Variants in GRIA4 observed in about 807,000 individuals in gnomAD.
The protein encoded by GRIA4 is glutamate receptor 4.
A neutral mutation model predicts 104.0 loss-of-function variants in GRIA4; 34 were observed. The ratio of observed to expected loss-of-function variants is 0.33; its 90% confidence interval spans 0.25 to 0.44. The LOEUF (loss-of-function observed/expected upper bound fraction) is 0.44. GRIA4 is among the 20% of genes least tolerant of loss of function. The pLI, the probability that GRIA4 is intolerant of heterozygous loss-of-function variation, is 1.00. For synonymous variants in GRIA4, 386 were observed against 381.9 expected (o/e 1.01, Z -0.13); for missense variants, 750 against 1,096.5 (o/e 0.68, Z 4.46).
chr11:105,691,935 C>CAAAAAAAAAAAA (rs202074069), intron 3 of GRIA4, among the ~76,000 whole-genome samples: 6 of 76,336 alleles, frequency 7.9e-5, no homozygotes, highest in Admixed American at 1.6e-4. Flanking sequence ...AACTCCGTCT[C>CAAAAAAAAAAAA]AAAAAAAAAA....
intron 4 of GRIA4, among the ~76,000 whole-genome samples, chr11:105,761,604 G>A (rs1591209836): frequency 6.6e-6 from 1 of 152,098 alleles, no homozygotes; most frequent in African/African-American, 2.4e-5. Context: ...GCAGTGAAAA[G>A]TAGCCATTGA....
rs570861541 is a variant in GRIA4 at position 105,643,188 on chromosome 11, C to G, written c.247+30754C>G. ...GATGAGATTTGAATGGGGACACAGC[C>G]AAACCAAATCAAACATCTCATATCT... On this transcript the variant is annotated intron_variant, in intron 3 of 16. Transcript: ENST00000282499. 2.6e-5 allele frequency among the ~76,000 whole-genome samples: 4 copies of G among 152,206 alleles called. No individual in the cohort carries two copies. In the South Asian group the frequency reaches 8.3e-4, roughly 32 times the overall value.
chr11:105,775,047 C>A (rs1941390101), intron 4 of GRIA4, among the ~76,000 whole-genome samples: 1 of 152,096 alleles, frequency 6.6e-6, no homozygotes, highest in Admixed American at 6.6e-5. Flanking sequence ...CATTTCTCTG[C>A]CTCCTCAGGC....
chr11:105,738,006 C>T (rs1565505353), intron 3 of GRIA4, among the ~76,000 whole-genome samples: 1 of 151,852 alleles, frequency 6.6e-6, no homozygotes, highest in South Asian at 2.1e-4. Flanking sequence ...ATAATAAGTT[C>T]CCCCTCCCAC....
intron 3 of GRIA4, among the ~76,000 whole-genome samples, chr11:105,681,212 G>T (rs145785001): frequency 6.6e-6 from 1 of 152,286 alleles, no homozygotes; most frequent in East Asian, 1.9e-4. Flanking sequence ...TGTTGCGGGA[G>T]AAAACAATAG....
intron 3 of GRIA4, among the ~76,000 whole-genome samples, chr11:105,642,206 C>T (rs1951384983): frequency 1.3e-5 from 2 of 152,100 alleles, no homozygotes; most frequent in East Asian, 3.9e-4. Context: ...TTTAGAGGCA[C>T]ACAATTTATC....
chr11:105,657,386 AT>A (rs1173919361), intron 3 of GRIA4, among the ~76,000 whole-genome samples: 1 of 152,044 alleles, frequency 6.6e-6, no homozygotes, highest in Non-Finnish European at 1.5e-5. Flanking sequence ...AAAAATAATC[AT>A]AAAAAACTCT....
chr11:105,829,453 C>T (rs1419624706), intron 4 of GRIA4, among the ~76,000 whole-genome samples: 1 of 151,964 alleles, frequency 6.6e-6, no homozygotes, highest in Non-Finnish European at 1.5e-5. Context: ...TTAATTACCA[C>T]CCTTACCTGC....
chr11:105,816,801 C>T (rs1461421986), intron 4 of GRIA4, among the ~76,000 whole-genome samples: 1 of 151,972 alleles, frequency 6.6e-6, no homozygotes, highest in African/African-American at 2.4e-5. Context: ...CACTTGAGGC[C>T]AGGAAACTGA....
rs183893317 is a variant in GRIA4 at position 105,676,395 on chromosome 11, T to C, written c.247+63961T>C. Among the ~76,000 whole-genome samples the C allele has an allele frequency of 2.6e-5, 4 of 151,866 alleles. No individual in the cohort carries two copies. The East Asian group carries it at 5.8e-4, about 22-fold the overall frequency. ...AGAGGAACAAACCAAATGCCCTTCC[T>C]TCAATAATGACTAAAAAAACTATTT... is the stretch of plus-strand genomic sequence containing the variant. On this transcript the variant is annotated intron_variant, in intron 3 of 16. Coordinates refer to ENST00000282499, the MANE Select transcript of GRIA4 (RefSeq NM_000829.4).
At chr11:105,873,171 A>G (rs570585531) in intron 5 of GRIA4, among the ~76,000 whole-genome samples, 11 of 152,100 alleles carry the variant, frequency 7.2e-5, no homozygotes, top group Non-Finnish European at 1.5e-4. Flanking sequence ...GAGAACATGC[A>G]GTGTTTGGTT....
chr11:105,779,416 C>T (rs1377109427), intron 4 of GRIA4, among the ~76,000 whole-genome samples: 1 of 152,070 alleles, frequency 6.6e-6, no homozygotes, highest in African/African-American at 2.4e-5. Flanking sequence ...CAATGACTTT[C>T]TTCACAGAAT....
At chr11:105,671,848 A>ATG (rs1454625896) in intron 3 of GRIA4, among the ~76,000 whole-genome samples, 2 of 152,032 alleles carry the variant, frequency 1.3e-5, no homozygotes, top group Non-Finnish European at 2.9e-5. Context: ...TCTGTTAAAA[A>ATG]TGTACATTCC....
At chr11:105,876,515 G>A (rs1010923231) in intron 5 of GRIA4, among the ~76,000 whole-genome samples, 18 of 152,170 alleles carry the variant, frequency 1.2e-4, no homozygotes, top group Non-Finnish European at 2.1e-4. Context: ...ACAGTGGGGT[G>A]TTAAATTTTC....
chr11:105,798,200 A>G (rs768629623), intron 4 of GRIA4, among the ~76,000 whole-genome samples: 35 of 152,300 alleles, frequency 2.3e-4, no homozygotes, highest in Non-Finnish European at 4.0e-4. Context: ...AGATAATATC[A>G]TAACAAAGAA....
intron 3 of GRIA4, among the ~76,000 whole-genome samples, chr11:105,636,487 T>C (rs961046526): frequency 3.3e-5 from 5 of 152,200 alleles, no homozygotes; most frequent in Non-Finnish European, 7.3e-5. Context: ...AAACATTGTA[T>C]GTTTTTATCA....
chr11:105,848,887 G>A (rs1224280890), intron 4 of GRIA4, among the ~76,000 whole-genome samples: 1 of 152,062 alleles, frequency 6.6e-6, no homozygotes, highest in East Asian at 1.9e-4. Context: ...TTTATTTAGG[G>A]ATTCAGTCAC....
At chr11:105,696,208 C>T (rs888539535) in intron 3 of GRIA4, among the ~76,000 whole-genome samples, 3 of 152,122 alleles carry the variant, frequency 2.0e-5, no homozygotes, top group African/African-American at 4.8e-5. Context: ...TCAAGCTTCC[C>T]CTGAGCCCAA....
chr11:105,955,901 T>C (rs1565364240), intron 14 of GRIA4, among the ~76,000 whole-genome samples: 1 of 152,214 alleles, frequency 6.6e-6, no homozygotes, highest in African/African-American at 2.4e-5. Context: ...CATATGTTTA[T>C]TGGCTGTGTA....
Sources: allele counts gnomAD v4.1 joint callset (sites outside exome capture counted in the v4.1 genomes callset), GRCh38; gene constraint gnomAD v4.1.1; transcripts MANE v1.5; gene names NCBI Gene and HGNC (gene_info 2026-07-23, HGNC 2026-07-21).